KIF26B: variants seen among roughly 807,000 people sequenced by gnomAD.
KIF26B encodes kinesin-like protein KIF26B.
In KIF26B, 63 loss-of-function variants were observed where a neutral mutation model predicts 151.2. That is an observed-to-expected ratio of 0.42 (90% CI 0.34 to 0.51). The LOEUF (loss-of-function observed/expected upper bound fraction) is 0.51, where lower values mean the gene tolerates loss of function less well. Ranked by LOEUF, KIF26B falls within the 20% of genes least tolerant of loss-of-function variation. The probability of loss-of-function intolerance (pLI) is 0.07; values close to 1 mark genes in which losing one functional copy is unlikely to be tolerated. For missense variants in KIF26B, 2,813 were observed against 2,913.6 expected (o/e 0.97, Z 0.79); for synonymous variants, 1,357 against 1,262.1 (o/e 1.08, Z -1.59).
chr1:245,686,791 G>A lies in KIF26B; in HGVS notation c.3808G>A (p.Asp1270Asn). ...PKMSLDEKAQDAGSRRSSISS... is the reference protein window; with the variant it reads ...PKMSLDEKAQNAGSRRSSISS... ...GATGAGCCTGGATGAGAAGGCCCAG[G>A]ACGCAGGGAGCAGACGCTCTTCCAT... is the stretch of plus-strand genomic sequence containing the variant. The change falls in exon 12 of 15, where the codon GAC becomes AAC. Residue 1270 changes from aspartate to asparagine, a missense_variant. Coordinates refer to ENST00000407071, the MANE Select transcript of KIF26B (RefSeq NM_018012.4). The surrounding 1 kb of genome is among the most constrained non-coding windows in gnomAD (Gnocchi z 5.6). The A allele has an allele frequency of 6.2e-7, 1 of 1,613,400 alleles. No homozygotes were observed. The highest frequency in any genetic ancestry group is 8.5e-7 in the Non-Finnish European group (1 of 1,179,796).
intron 4 of KIF26B, among the ~76,000 whole-genome samples, chr1:245,520,344 A>G (rs1239862791): frequency 2.6e-5 from 4 of 152,210 alleles, no homozygotes; most frequent in Non-Finnish European, 5.9e-5. Flanking sequence ...GCTTGGGAAA[A>G]CACATGTTGG....
intron 2 of KIF26B, among the ~76,000 whole-genome samples, chr1:245,242,552 T>A (rs904066223): frequency 2.0e-5 from 3 of 152,242 alleles, no homozygotes; most frequent in African/African-American, 7.2e-5. Context: ...GCAATTGGCC[T>A]TTTCACTCAA....
At chr1:245,195,467 C>G (rs1484048225) in intron 2 of KIF26B, among the ~76,000 whole-genome samples, 2 of 152,184 alleles carry the variant, frequency 1.3e-5, no homozygotes, top group African/African-American at 2.4e-5. Context: ...TTGAACTACA[C>G]ATTGCTTGAA....
chr1:245,266,518 T>TC (rs1174315505), intron 2 of KIF26B, among the ~76,000 whole-genome samples: 2 of 151,840 alleles, frequency 1.3e-5, no homozygotes, highest in East Asian at 3.8e-4. Flanking sequence ...TTTCTTTCTT[T>TC]TTTTTTTTGA....
intron 2 of KIF26B, among the ~76,000 whole-genome samples, chr1:245,181,077 C>T (rs1439894821): frequency 6.6e-6 from 1 of 152,170 alleles, no homozygotes; most frequent in African/African-American, 2.4e-5. Context: ...AGGAATTTGC[C>T]AAAGCTCTCA....
chr1:245,349,421 A>G (rs1313402953), intron 2 of KIF26B, among the ~76,000 whole-genome samples: 1 of 152,210 alleles, frequency 6.6e-6, no homozygotes, highest in African/African-American at 2.4e-5. Context: ...AAATAATAAC[A>G]TTAACAGGTT....
At chr1:245,237,050 T>A (rs3008471) in intron 2 of KIF26B, among the ~76,000 whole-genome samples, 1 of 152,352 alleles carries the variant, frequency 6.6e-6, no homozygotes, top group East Asian at 1.9e-4. Flanking sequence ...TAGCAGAATT[T>A]GTCTGCAATG....
intron 2 of KIF26B, among the ~76,000 whole-genome samples, chr1:245,199,172 C>T (rs780400082): frequency 2.0e-5 from 3 of 152,042 alleles, no homozygotes; most frequent in African/African-American, 4.8e-5. Flanking sequence ...GGTGAGGAAA[C>T]CTTTTAACCT....
chr1:245,161,337 A>G (rs1430814029), intron 2 of KIF26B, among the ~76,000 whole-genome samples: 2 of 152,242 alleles, frequency 1.3e-5, no homozygotes, highest in East Asian at 3.8e-4. Context: ...GTCAGTTTTT[A>G]TAGTGACTTA....
intron 2 of KIF26B, among the ~76,000 whole-genome samples, chr1:245,296,347 C>A (rs1876945): frequency 6.6e-6 from 1 of 151,944 alleles, no homozygotes; most frequent in African/African-American, 2.4e-5. Flanking sequence ...CTGGCTGACA[C>A]CCCTTAATAA....
chr1:245,390,940 A>C (rs1463561437), intron 3 of KIF26B, among the ~76,000 whole-genome samples: 7 of 146,744 alleles, frequency 4.8e-5, no homozygotes, highest in Non-Finnish European at 7.5e-5. Context: ...AAAAAAAAAA[A>C]AAAAAAAAAA....
intron 9 of KIF26B, among the ~76,000 whole-genome samples, chr1:245,632,907 C>T (rs749565832): frequency 1.3e-5 from 2 of 151,988 alleles, no homozygotes; most frequent in Non-Finnish European, 2.9e-5. Flanking sequence ...GACCCCATAC[C>T]AAAAAATAAT....
At chr1:245,303,380 A>G (rs935296218) in intron 2 of KIF26B, among the ~76,000 whole-genome samples, 2 of 150,476 alleles carry the variant, frequency 1.3e-5, no homozygotes, top group African/African-American at 5.0e-5. Flanking sequence ...TTGTATTTTT[A>G]GTAGAGACGG....
At chr1:245,684,716 T>C (rs978039559) in intron 11 of KIF26B, among the ~76,000 whole-genome samples, 7 of 152,184 alleles carry the variant, frequency 4.6e-5, no homozygotes, top group African/African-American at 1.7e-4. Context: ...ATGGAAAATA[T>C]TGTTTTTCTC....
chr1:245,183,906 G>A (rs943953799), intron 2 of KIF26B, among the ~76,000 whole-genome samples: 2 of 152,092 alleles, frequency 1.3e-5, no homozygotes, highest in Non-Finnish European at 1.5e-5. Context: ...GGCAGACAGA[G>A]TGATGGAGTT....
intron 2 of KIF26B, among the ~76,000 whole-genome samples, chr1:245,235,078 G>T (rs547489399): frequency 6.6e-6 from 1 of 152,278 alleles, no homozygotes; most frequent in South Asian, 2.1e-4. Flanking sequence ...TCCCTACTGC[G>T]CTGGGTTGAG....
chr1:245,672,448 C>T (rs573676104), intron 10 of KIF26B, among the ~76,000 whole-genome samples: 80 of 152,328 alleles, frequency 5.3e-4, no homozygotes, highest in Non-Finnish European at 9.6e-4. Flanking sequence ...CTGAATCCCT[C>T]CGGACAGGGT....
chr1:245,518,227 T>C (rs1221650249), intron 4 of KIF26B, among the ~76,000 whole-genome samples: 1 of 152,140 alleles, frequency 6.6e-6, no homozygotes, highest in Non-Finnish European at 1.5e-5. Flanking sequence ...TTTTTCAGAT[T>C]CTCAAAACAG....
chr1:245,208,447 C>G (rs2103542047), intron 2 of KIF26B, among the ~76,000 whole-genome samples: 1 of 152,242 alleles, frequency 6.6e-6, no homozygotes, highest in African/African-American at 2.4e-5. Context: ...AACAGGCTTG[C>G]TGGCGAGTGG....
Sources: allele counts gnomAD v4.1 joint callset (sites outside exome capture counted in the v4.1 genomes callset), GRCh38; gene constraint gnomAD v4.1.1; non-coding constraint Gnocchi (gnomAD v3.1); transcripts MANE v1.5; gene names NCBI Gene and HGNC (gene_info 2026-07-23, HGNC 2026-07-21).